The following FLRT1 variants were observed in gnomAD, a reference collection of about 807,000 sequenced individuals.
FLRT1 encodes the protein leucine-rich repeat transmembrane protein FLRT1.
Under a neutral mutation model 30.9 loss-of-function variants are expected in FLRT1, and 14 were observed. The observed-to-expected ratio is 0.45, with a 90% CI of 0.30 to 0.71. FLRT1 has a LOEUF of 0.71. Ranked by LOEUF, FLRT1 falls within the 30% of genes least tolerant of loss-of-function variation. The pLI, the probability that FLRT1 is intolerant of heterozygous loss-of-function variation, is 0.08. For synonymous variants in FLRT1, 368 were observed against 430.4 expected (o/e 0.85, Z 1.80); for missense variants, 737 against 949.2 (o/e 0.78, Z 2.94).
chr11:64,110,956 G>A (rs1944852274), intron 2 of FLRT1, among the ~76,000 whole-genome samples: 3 of 152,226 alleles, frequency 2.0e-5, no homozygotes, highest in Admixed American at 2.0e-4. Context: ...CTGGCCTTGG[G>A]GAGGGGGGCG....
At chr11:64,105,117 G>A (rs1016617767) in intron 2 of FLRT1, among the ~76,000 whole-genome samples, 3 of 152,240 alleles carry the variant, frequency 2.0e-5, no homozygotes, top group Non-Finnish European at 4.4e-5. Flanking sequence ...ATTAGCCACC[G>A]GTGTGAAAGA....
intron 1 of FLRT1, among the ~76,000 whole-genome samples, chr11:64,057,290 G>A (rs568006847): frequency 6.6e-6 from 1 of 152,248 alleles, no homozygotes; most frequent in Non-Finnish European, 1.5e-5. Context: ...CTGAGAGCAG[G>A]TGGGGTCCCT....
At position 64,072,434 on chromosome 11, in the gene FLRT1, A is replaced by T. The variant is rs191515441; in HGVS notation, c.-1037-30760A>T. 9.0e-3 allele frequency among the ~76,000 whole-genome samples: 1,372 copies of T among 152,260 alleles called. 22 individuals are homozygous for T. The highest frequency in any genetic ancestry group is 0.025 in the African/African-American group (1,051 of 41,536). ...TGATCCGGCTCATTTAAAAAAAAAAAAATAATAATTACATAACATTGGATA... is the reference window on the plus strand; with the variant it reads ...TGATCCGGCTCATTTAAAAAAAAAATAATAATAATTACATAACATTGGATA... On this transcript the variant is annotated intron_variant, in intron 1 of 2. Transcript: ENST00000682287.
Position 64,117,896 on chromosome 11 carries a change from G to T in FLRT1, c.1629G>T (p.Gln543His), listed in dbSNP as rs778352526. ...CTACCACCACACTCAACCAGGAGCA[G>T]AACGCTGGCCCCATGGCGAGCCTGC... Reference protein sequence around the residue: ...YGPTTTLNQEQNAGPMASLPL... With the variant: ...YGPTTTLNQEHNAGPMASLPL... Residue 543 changes from glutamine to histidine, a missense_variant, in exon 3 of 3, where the codon CAG becomes CAT. Coordinates refer to ENST00000682287, the MANE Select transcript of FLRT1 (RefSeq NM_013280.5). The T allele has an allele frequency of 6.2e-7, 1 of 1,613,878 alleles. No homozygotes were observed. The highest frequency in any genetic ancestry group is 1.3e-5 in the African/African-American group (1 of 74,960).
chr11:64,059,029 A>C (rs2134431988), intron 1 of FLRT1, among the ~76,000 whole-genome samples: 1 of 152,250 alleles, frequency 6.6e-6, no homozygotes, highest in Middle Eastern at 3.4e-3. Context: ...GGAGTGCCTG[A>C]TGCTCTTTGG....
At position 64,118,251 on chromosome 11, in the gene FLRT1, C is replaced by T. The variant is rs372963657; in HGVS notation, c.1984C>T (p.Arg662Trp). ...TIGYGTTRGY[R>W]DGGIPDIDYS... ...TGGCTACGGCACCACGCGGGGCTAC[C>T]GGGACGGCGGCATCCCCGACATAGA... Residue 662 changes from arginine (R) to tryptophan (W), a missense_variant, in exon 3 of 3, where the codon CGG (arginine) becomes TGG (tryptophan). Arg to Trp is a moderately radical substitution (Grantham distance 101, BLOSUM62 -3). Transcript: ENST00000682287. 43 of 1,600,768 alleles carry T rather than the reference C, an allele frequency of 2.7e-5. No individual in the cohort carries two copies. In the Admixed American group the frequency reaches 5.7e-4, roughly 21 times the overall value.
chr11:64,086,516 G>T (rs1433310453), intron 1 of FLRT1, among the ~76,000 whole-genome samples: 1 of 151,166 alleles, frequency 6.6e-6, no homozygotes, highest in Non-Finnish European at 1.5e-5. Flanking sequence ...CTAGCTGACC[G>T]CCCTGCCCCA....
chr11:64,114,702 G>A (rs1374897550), intron 2 of FLRT1, among the ~76,000 whole-genome samples: 1 of 151,722 alleles, frequency 6.6e-6, no homozygotes, highest in Middle Eastern at 3.2e-3. Flanking sequence ...TGCATGGACT[G>A]ATACATAGAT....
At chr11:64,047,211 G>C (rs1027886666) in intron 1 of FLRT1, among the ~76,000 whole-genome samples, 2 of 152,148 alleles carry the variant, frequency 1.3e-5, no homozygotes, top group African/African-American at 4.8e-5. Flanking sequence ...GCCCCAGAGA[G>C]GTGCTGCTGA....
At chr11:64,063,868 C>G (rs1177943829) in intron 1 of FLRT1, among the ~76,000 whole-genome samples, 1 of 152,226 alleles carries the variant, frequency 6.6e-6, no homozygotes, top group Non-Finnish European at 1.5e-5. Flanking sequence ...CGCTTTCTCC[C>G]CAGCCCCAGA....
chr11:64,072,431 A>AT (rs1014550394), intron 1 of FLRT1, among the ~76,000 whole-genome samples: 4 of 151,358 alleles, frequency 2.6e-5, no homozygotes, highest in African/African-American at 9.7e-5. Flanking sequence ...TTTAAAAAAA[A>AT]AAAAATAATA....
intron 1 of FLRT1, among the ~76,000 whole-genome samples, chr11:64,093,730 C>G (rs71454591): frequency 6.6e-6 from 1 of 152,308 alleles, no homozygotes; most frequent in African/African-American, 2.4e-5. Flanking sequence ...CTGGGCCTCC[C>G]GCTCTGTAGT....
chr11:64,107,650 A>G (rs1210066627), intron 2 of FLRT1, among the ~76,000 whole-genome samples: 1 of 152,254 alleles, frequency 6.6e-6, no homozygotes, highest in East Asian at 1.9e-4. Flanking sequence ...GCCCCCATGC[A>G]TCACAAGTTC....
chr11:64,109,551 T>G (rs900042974), intron 2 of FLRT1, among the ~76,000 whole-genome samples: 1 of 151,334 alleles, frequency 6.6e-6, no homozygotes, highest in Admixed American at 6.6e-5. Context: ...GGGGTGGGAG[T>G]GAGTGTGGCG....
chr11:64,062,356 C>G (rs1224280244), intron 1 of FLRT1, among the ~76,000 whole-genome samples: 1 of 152,180 alleles, frequency 6.6e-6, no homozygotes, highest in African/African-American at 2.4e-5. Context: ...GTGGCTGGCT[C>G]AGACATATGC....
chr11:64,094,555 G>T (rs939513374), intron 1 of FLRT1, among the ~76,000 whole-genome samples: 2 of 152,222 alleles, frequency 1.3e-5, no homozygotes, highest in Non-Finnish European at 2.9e-5. Context: ...TGGAGTGAAG[G>T]CCTCCTGAGT....
At chr11:64,060,350 C>G (rs1943876340) in intron 1 of FLRT1, 1 of 152,250 alleles carries the variant, frequency 6.6e-6, no homozygotes, top group East Asian at 1.9e-4. Flanking sequence ...GGGCAGGAGT[C>G]CAGCAGAACA....
intron 1 of FLRT1, among the ~76,000 whole-genome samples, chr11:64,062,619 A>C (rs1389887713): frequency 6.8e-6 from 1 of 146,522 alleles, no homozygotes; most frequent in African/African-American, 2.7e-5. Flanking sequence ...CTGGGGATGG[A>C]GCAGCAAAGG....
chr11:64,111,038 C>T (rs12577573), intron 2 of FLRT1, among the ~76,000 whole-genome samples: 2,895 of 152,292 alleles, frequency 0.019, 201 homozygotes, highest in Admixed American at 0.14. Flanking sequence ...GTCCCTGCCT[C>T]CCAAATGCTT....
Sources: allele counts gnomAD v4.1 joint callset (sites outside exome capture counted in the v4.1 genomes callset), GRCh38; gene constraint gnomAD v4.1.1; transcripts MANE v1.5; gene names NCBI Gene and HGNC (gene_info 2026-07-23, HGNC 2026-07-21).